P3H2: variants seen among roughly 807,000 people sequenced by gnomAD.
The protein encoded by P3H2 is prolyl 3-hydroxylase 2.
In P3H2, 80 loss-of-function variants were observed where a neutral mutation model predicts 87.0. The observed-to-expected ratio is 0.92, with a 90% confidence interval of 0.77 to 1.11. P3H2 has a LOEUF of 1.11. P3H2 is among the 50% of genes least tolerant of loss of function. The pLI is 0.00. For synonymous variants in P3H2, 367 were observed against 359.3 expected (o/e 1.02, Z -0.24); for missense variants, 1,001 against 923.9 (o/e 1.08, Z -1.08).
intron 1 of P3H2, among the ~76,000 whole-genome samples, chr3:190,026,593 C>T (rs1051864463): frequency 1.3e-5 from 2 of 152,198 alleles, no homozygotes; most frequent in African/African-American, 4.8e-5. Flanking sequence ...TAATCCACCC[C>T]TTGTTTAGCA....
chr3:190,016,491 G>A (rs1012659235), intron 1 of P3H2, among the ~76,000 whole-genome samples: 13 of 152,002 alleles, frequency 8.6e-5, no homozygotes, highest in Non-Finnish European at 5.9e-5. Flanking sequence ...TGATCCACCC[G>A]CCTCGGCCTC....
intron 5 of P3H2, among the ~76,000 whole-genome samples, chr3:189,987,312 TA>T (rs771677163): frequency 1.8e-4 from 26 of 147,556 alleles, no homozygotes; most frequent in Admixed American, 2.0e-4. Flanking sequence ...CCGTCTCTAC[TA>T]AAAAAAAAAT....
intron 1 of P3H2, among the ~76,000 whole-genome samples, chr3:190,035,737 T>G (rs1725398977): frequency 6.6e-6 from 1 of 152,200 alleles, no homozygotes; most frequent in Non-Finnish European, 1.5e-5. Context: ...TAATCTCCAT[T>G]TAAACAAAAG....
intron 1 of P3H2, among the ~76,000 whole-genome samples, chr3:189,999,196 C>T (rs1397883682): frequency 1.3e-5 from 2 of 152,216 alleles, no homozygotes; most frequent in African/African-American, 4.8e-5. Context: ...CAGTCAATGT[C>T]AACAAACTGG....
At chr3:190,110,047 C>T (rs1293617739) in intron 1 of P3H2, among the ~76,000 whole-genome samples, 1 of 151,964 alleles carries the variant, frequency 6.6e-6, no homozygotes, top group Non-Finnish European at 1.5e-5. Context: ...TGGGGTTTCA[C>T]CATGTTGGCC....
At chr3:190,034,844 TTTTC>T (rs1725367597) in intron 1 of P3H2, among the ~76,000 whole-genome samples, 2 of 73,006 alleles carry the variant, frequency 2.7e-5, no homozygotes, top group African/African-American at 5.1e-5. Context: ...TTTTCTTTTC[TTTTC>T]TTTTCTTTTT....
intron 1 of P3H2, among the ~76,000 whole-genome samples, chr3:190,074,733 A>G (rs1352576002): frequency 2.6e-5 from 4 of 152,056 alleles, no homozygotes; most frequent in Admixed American, 6.6e-5. Flanking sequence ...TTCTTAACCA[A>G]TCTGTCTTTT....
chr3:189,980,946 G>GGGCCT (rs1454923230), intron 8 of P3H2, among the ~76,000 whole-genome samples: 3 of 152,156 alleles, frequency 2.0e-5, no homozygotes, highest in Admixed American at 2.0e-4. Context: ...AAGGAGTTTG[G>GGGCCT]GGCCTGCAAA....
At chr3:189,985,907 C>T (rs1723680216) in intron 6 of P3H2, among the ~76,000 whole-genome samples, 2 of 152,006 alleles carry the variant, frequency 1.3e-5, no homozygotes, top group South Asian at 4.1e-4. Flanking sequence ...GCTAAAAATA[C>T]CTTTTAAAGC....
rs1712128810 is a variant in P3H2, at chr3:190,112,915, G to A, written c.480+7337C>T. On this transcript the variant is annotated intron_variant, in intron 1 of 14. Transcript: ENST00000319332. ...ATAAAAAGACAGAAAAAGAATTATA[G>A]AAGAAAGATGAATGGAAAAAAAAAA... Among the ~76,000 whole-genome samples the A allele has an allele frequency of 2.0e-5, 3 of 151,188 alleles. No individual in the cohort carries two copies. The South Asian group carries it at 6.3e-4, about 32-fold the overall frequency.
chr3:190,015,565 C>G (rs936988327), intron 1 of P3H2, among the ~76,000 whole-genome samples: 17 of 151,832 alleles, frequency 1.1e-4, no homozygotes, highest in African/African-American at 3.9e-4. Context: ...TTTTTGTCTC[C>G]CTCAATCATC....
intron 1 of P3H2, among the ~76,000 whole-genome samples, chr3:190,026,416 C>G (rs1725086063): frequency 6.6e-6 from 1 of 152,172 alleles, no homozygotes; most frequent in Non-Finnish European, 1.5e-5. Context: ...GCTGACAAAA[C>G]AGCTTGCAGT....
chr3:190,034,849 TTTTC>T (rs776108690), intron 1 of P3H2, among the ~76,000 whole-genome samples: 2,250 of 64,056 alleles, frequency 0.035, 9 homozygotes, highest in Non-Finnish European at 0.048. Context: ...TTTTCTTTTC[TTTTC>T]TTTTTTTTTT....
chr3:189,980,519 C>T (rs974459965), intron 8 of P3H2, among the ~76,000 whole-genome samples: 16 of 151,758 alleles, frequency 1.1e-4, no homozygotes, highest in African/African-American at 2.9e-4. Context: ...GCTGAGATCA[C>T]GCCACTGCAC....
At chr3:190,053,071 T>C (rs1296093533) in intron 1 of P3H2, among the ~76,000 whole-genome samples, 1 of 152,226 alleles carries the variant, frequency 6.6e-6, no homozygotes, top group East Asian at 1.9e-4. Context: ...TTGTGGCACA[T>C]ATCAACAGCT....
In P3H2 at chr3:189,987,587, C is replaced by T; in HGVS notation, c.1038G>A (p.Val346=). The T allele has an allele frequency of 6.2e-7, 1 of 1,614,050 alleles. No individual in the cohort carries two copies. The highest frequency in any genetic ancestry group is 1.1e-5 in the South Asian group (1 of 91,084). The change falls in exon 5 of 15, where the codon GTG becomes GTA. Residue 346 remains valine, a synonymous_variant. Coordinates refer to ENST00000319332, the MANE Select transcript of P3H2 (RefSeq NM_018192.4). The part of the protein sequence containing the change: ...HPDDEDVLDN[V]DYYESLLDDS... ...CATCCAGCAGACTCTCATAGTAATC[C>T]ACATTGTCTAGGACATCCTCATCAT...
chr3:190,071,913 G>C (rs1726709631), intron 1 of P3H2, among the ~76,000 whole-genome samples: 4 of 149,324 alleles, frequency 2.7e-5, no homozygotes, highest in South Asian at 4.3e-4. Flanking sequence ...CATAAACAAT[G>C]AGCAAGAAAC....
chr3:190,073,173 T>C (rs993327866), intron 1 of P3H2, among the ~76,000 whole-genome samples: 1 of 152,236 alleles, frequency 6.6e-6, no homozygotes, highest in Non-Finnish European at 1.5e-5. Flanking sequence ...CTTCATTAAA[T>C]GGATGCTCAC....
intron 1 of P3H2, among the ~76,000 whole-genome samples, chr3:190,001,842 CTTGAG>C (rs1305784462): frequency 1.3e-5 from 2 of 152,130 alleles, no homozygotes; most frequent in East Asian, 1.9e-4. Flanking sequence ...TTTTTGCCAA[CTTGAG>C]TTAATTTTTC....
Sources: gnomAD v4.1 joint callset for allele counts (sites outside exome capture counted in the v4.1 genomes callset) on GRCh38, gnomAD v4.1.1 for gene constraint, MANE v1.5 for transcripts, NCBI Gene and HGNC (gene_info 2026-07-23, HGNC 2026-07-21) for gene names.